G2E3: variants seen among roughly 807,000 people sequenced by gnomAD.
G2E3 encodes G2/M phase-specific E3 ubiquitin-protein ligase.
Under a neutral mutation model 92.8 loss-of-function variants are expected in G2E3, and 35 were observed. That is an observed-to-expected ratio of 0.38 (90% CI 0.29 to 0.50). The LOEUF (loss-of-function observed/expected upper bound fraction) is 0.50. Among genes scored for constraint, G2E3 ranks in the 20% least tolerant of loss-of-function variants. The pLI is 0.94. For synonymous variants in G2E3, 242 were observed against 272.4 expected, an observed-to-expected ratio of 0.89 and a Z score of 1.10; for missense variants, 554 against 823.8, an observed-to-expected ratio of 0.67 and a Z score of 4.01.
intron 1 of G2E3, among the ~76,000 whole-genome samples, chr14:30,565,803 A>T (rs1879395848): frequency 6.6e-6 from 1 of 151,726 alleles, no homozygotes; most frequent in South Asian, 2.1e-4. Flanking sequence ...CTGGGACTAT[A>T]GGCACCCACC....
rs752912356 is a variant in G2E3 at position 30,601,868 on chromosome 14, A to C, written c.851A>C (p.Glu284Ala). Residue 284 changes from glutamate (E) to alanine (A), a missense_variant, in exon 9 of 15, where the codon GAA (glutamate) becomes GCA (alanine). Physicochemically the swap from Glu to Ala is moderately radical, Grantham distance 107. This residue lies in a region of G2E3 where 397 missense variants were observed against 560.3 expected (regional missense o/e 0.71). Transcript: ENST00000206595. Reference sequence around the variant, plus strand: ...TGGGAGCAAAATTGGGAGTGTTTGGAATGTAGGGGTATTATCTACAATTCA... The same window carrying C: ...TGGGAGCAAAATTGGGAGTGTTTGGCATGTAGGGGTATTATCTACAATTCA... ...RSWEQNWECL[E>A]CRGIIYNSGE... 5.6e-6 allele frequency: 9 copies of C among 1,613,704 alleles called. No individual in the cohort carries two copies. Among genetic ancestry groups the C allele is most frequent in the Non-Finnish European group, 7.6e-6 (9 of 1,179,642 alleles).
At chr14:30,609,717 G>T (rs1217132514) in intron 12 of G2E3, among the ~76,000 whole-genome samples, 1 of 152,100 alleles carries the variant, frequency 6.6e-6, no homozygotes, top group Non-Finnish European at 1.5e-5. Flanking sequence ...ATTTTTCCCA[G>T]AATTTTTTGT....
intron 6 of G2E3, among the ~76,000 whole-genome samples, chr14:30,594,974 C>CA (rs1042656686): frequency 0.012 from 1,519 of 125,322 alleles, 9 homozygotes; most frequent in African/African-American, 0.021. Context: ...ACTAAAAATA[C>CA]AAAAAAAAAA....
intron 13 of G2E3, among the ~76,000 whole-genome samples, 197 bp downstream of exon 13, chr14:30,612,576 G>A (rs1253439160): frequency 6.9e-6 from 1 of 144,892 alleles, no homozygotes; most frequent in East Asian, 2.1e-4. Context: ...TGTGTAGGTC[G>A]GGCATGGTGG....
At position 30,582,864 on chromosome 14, in the gene G2E3, G is replaced by A. The variant is rs963230721; in HGVS notation, c.37+1748G>A. The stretch of plus-strand genomic sequence containing the variant: ...TAGGCTATTTCACTATATTAAATAC[G>A]AGCTCATCTTATTTCTTTTCAGTTC... On this transcript the variant is annotated intron_variant, in intron 2 of 14. Coordinates refer to ENST00000206595, the MANE Select transcript of G2E3 (RefSeq NM_017769.5). 3.3e-5 allele frequency among the ~76,000 whole-genome samples: 5 copies of A among 152,220 alleles called. No homozygotes were observed. The South Asian group carries it at 8.3e-4, about 25-fold the overall frequency.
chr14:30,586,235 C>G (rs1880707129), intron 2 of G2E3, among the ~76,000 whole-genome samples: 1 of 152,138 alleles, frequency 6.6e-6, no homozygotes, highest in African/African-American at 2.4e-5. Context: ...CCTCTTGGAC[C>G]AGTAATCTGC....
intron 2 of G2E3, among the ~76,000 whole-genome samples, chr14:30,585,442 C>T (rs1880657011): frequency 6.6e-6 from 1 of 152,146 alleles, no homozygotes; most frequent in Admixed American, 6.5e-5. Flanking sequence ...GGTCTTGGCA[C>T]TCTTGTTGAA....
chr14:30,572,184 G>A (rs1249810106), intron 1 of G2E3, among the ~76,000 whole-genome samples: 3 of 152,016 alleles, frequency 2.0e-5, no homozygotes, highest in South Asian at 2.1e-4. Context: ...ATACAGATTT[G>A]CCTTGTTTCA....
chr14:30,591,261 CTG>C (rs1380565238), intron 4 of G2E3, among the ~76,000 whole-genome samples: 1 of 152,126 alleles, frequency 6.6e-6, no homozygotes, highest in Non-Finnish European at 1.5e-5. Context: ...AGCAGTAACT[CTG>C]TAATCCCTGA....
Position 30,586,747 on chromosome 14 carries a change from T to A in G2E3, c.67T>A (p.Cys23Ser). The A allele has an allele frequency of 7.0e-7, 1 of 1,427,144 alleles. No individual in the cohort carries two copies. Among genetic ancestry groups the A allele is most frequent in the South Asian group, 1.4e-5 (1 of 72,892 alleles). 88.4% of individuals were successfully genotyped at this position (1,427,144 alleles called of 1,614,324 possible). Reference protein sequence around the residue: ...ACVFCRKHDDCPNKYGEKKTK... With the variant: ...ACVFCRKHDDSPNKYGEKKTK... ...TGTTTTCTGTCGAAAACATGATGAC[T>A]GTCCTAATAAATACGGAGAAAAGAA... is the stretch of plus-strand genomic sequence containing the variant. The change falls in exon 3 of 15, where the codon TGT becomes AGT. Residue 23 changes from cysteine (C) to serine (S), a missense_variant. Transcript: ENST00000206595.
intron 8 of G2E3, among the ~76,000 whole-genome samples, chr14:30,601,381 C>G (rs1406096163): frequency 6.6e-6 from 1 of 152,156 alleles, no homozygotes; most frequent in Non-Finnish European, 1.5e-5. Context: ...GGAAATATTC[C>G]TCACCTTGAA....
chr14:30,606,595 G>C (rs1881843448), intron 11 of G2E3, among the ~76,000 whole-genome samples: 1 of 152,218 alleles, frequency 6.6e-6, no homozygotes, highest in Non-Finnish European at 1.5e-5. Context: ...GTATGGTGGA[G>C]AGTACGTGAA....
chr14:30,613,719 C>CT (rs890172953), intron 13 of G2E3, among the ~76,000 whole-genome samples: 1 of 150,762 alleles, frequency 6.6e-6, no homozygotes, highest in Non-Finnish European at 1.5e-5. Flanking sequence ...TAAAATCAAA[C>CT]TTTTTTTTAA....
At position 30,615,465 on chromosome 14, in the gene G2E3, A is replaced by G. The variant is rs1401992567; in HGVS notation, c.1790A>G (p.Glu597Gly). 3.7e-6 allele frequency: 6 copies of G among 1,611,822 alleles called. No individual in the cohort carries two copies. In the South Asian group the frequency reaches 6.6e-5, roughly 18 times the overall value. Residue 597 changes from glutamate to glycine, a missense_variant, in exon 14 of 15, where the codon GAG becomes GGG. Glu to Gly is a moderately conservative substitution (Grantham distance 98, BLOSUM62 -2). Transcript: ENST00000206595. The part of the protein sequence containing the change: ...PESLSAKILS[E>G]LFTVHTLPDV... ...AGTCTTTCTGCAAAAATCCTTAGTG[A>G]GCTTTTTACAGTACACACATTACCT... is the stretch of plus-strand genomic sequence containing the variant.
chr14:30,594,459 G>A (rs2138858249), intron 6 of G2E3, among the ~76,000 whole-genome samples: 1 of 152,304 alleles, frequency 6.6e-6, no homozygotes, highest in South Asian at 2.1e-4. Flanking sequence ...GGAGGCCGAG[G>A]AGGGTGGATC....
intron 11 of G2E3, among the ~76,000 whole-genome samples, chr14:30,607,157 G>GT (rs1213936074): frequency 6.6e-6 from 1 of 152,030 alleles, no homozygotes; most frequent in East Asian, 1.9e-4. Flanking sequence ...GTAGATTTGA[G>GT]TAATTTTGAG....
At chr14:30,573,418 TG>T in intron 1 of G2E3, 1 of 134,322 alleles carries the variant, frequency 7.4e-6, no homozygotes, top group East Asian at 2.8e-4. Flanking sequence ...TATGTGTGTG[TG>T]TGTGTGTGTG....
At chr14:30,600,344 A>G (rs1157751527) in intron 8 of G2E3, among the ~76,000 whole-genome samples, 2 of 152,160 alleles carry the variant, frequency 1.3e-5, no homozygotes, top group Non-Finnish European at 2.9e-5. Flanking sequence ...AGTTGGCGTT[A>G]TTTAAATTTA....
At chr14:30,615,567 A>G (rs1433405086) in intron 14 of G2E3, 28 bp downstream of exon 14, 1 of 1,353,856 alleles carries the variant, frequency 7.4e-7, no homozygotes, top group Non-Finnish European at 1.0e-6. Context: ...TTTACTTTTA[A>G]CGATCTCAGA....
Sources: gnomAD v4.1 joint callset for allele counts (sites outside exome capture counted in the v4.1 genomes callset) on GRCh38, gnomAD v4.1.1 for gene constraint, gnomAD v4.1.1 regional missense constraint, MANE v1.5 for transcripts, NCBI Gene and HGNC (gene_info 2026-07-23, HGNC 2026-07-21) for gene names.